Variants in STAT3 observed in about 807,000 individuals in gnomAD.
STAT3 encodes the protein signal transducer and activator of transcription 3.
A neutral mutation model predicts 114.3 loss-of-function variants in STAT3; 7 were observed. The ratio of observed to expected loss-of-function variants is 0.06; its 90% CI spans 0.03 to 0.11. The LOEUF is 0.11. Ranked by LOEUF, STAT3 falls within the 10% of genes least tolerant of loss-of-function variation. STAT3 has a pLI of 1.00. For missense variants in STAT3, 364 were observed against 960.9 expected, an observed-to-expected ratio of 0.38 and a Z score of 8.21; for synonymous variants, 331 against 354.5, an observed-to-expected ratio of 0.93 and a Z score of 0.74.
rs1272614508 is a variant in STAT3, at chr17:42,323,633, A to G, written c.1601-8T>C. 6.5e-7 allele frequency: 1 copy of G among 1,535,442 alleles called. No individual in the cohort carries two copies. Among genetic ancestry groups the G allele is most frequent in the South Asian group, 1.1e-5 (1 of 88,360 alleles). ...AATAATTCACACCAGGTCCTGAAGG[A>G]AAGAAAAAGAGTCAAGTAGTACATT... On this transcript the variant is annotated splice_polypyrimidine_tract_variant and splice_region_variant and intron_variant, in intron 17 of 23. Coordinates refer to ENST00000264657, the MANE Select transcript of STAT3 (RefSeq NM_139276.3).
At chr17:42,361,440 G>A (rs562462837) in intron 1 of STAT3, among the ~76,000 whole-genome samples, 6 of 150,826 alleles carry the variant, frequency 4.0e-5, no homozygotes, top group East Asian at 1.9e-4. Flanking sequence ...CTGAGATCAC[G>A]CCATTGCACT....
chr17:42,346,357 C>T (rs900086721), intron 3 of STAT3, among the ~76,000 whole-genome samples: 1 of 152,190 alleles, frequency 6.6e-6, no homozygotes, highest in African/African-American at 2.4e-5. Context: ...TTTATTACTT[C>T]AACTGTGACA....
At chr17:42,330,150 CTT>C (rs1598407514) in intron 11 of STAT3, among the ~76,000 whole-genome samples, 1 of 147,542 alleles carries the variant, frequency 6.8e-6, no homozygotes, top group East Asian at 2.0e-4. Context: ...TAGTTTCGCT[CTT>C]GTTGCCCAGG....
intron 2 of STAT3, among the ~76,000 whole-genome samples, chr17:42,347,055 G>A (rs1164049293): frequency 6.6e-6 from 1 of 151,842 alleles, no homozygotes; most frequent in Non-Finnish European, 1.5e-5. Context: ...AGGTGTGGTG[G>A]TGGGCACCTG....
intron 1 of STAT3, chr17:42,387,272 G>A (rs1318116255): frequency 2.0e-5 from 3 of 152,206 alleles, no homozygotes; most frequent in African/African-American, 4.8e-5. Flanking sequence ...CAACTTGGGC[G>A]ACGGTTTGAA....
At chr17:42,369,935 A>G (rs1368971967) in intron 1 of STAT3, among the ~76,000 whole-genome samples, 1 of 151,950 alleles carries the variant, frequency 6.6e-6, no homozygotes, top group Non-Finnish European at 1.5e-5. Flanking sequence ...TTGGGATTAT[A>G]CAGATGTAAG....
intron 1 of STAT3, among the ~76,000 whole-genome samples, chr17:42,384,851 T>C (rs1474972644): frequency 2.0e-5 from 3 of 152,088 alleles, no homozygotes; most frequent in African/African-American, 7.2e-5. Flanking sequence ...CCACCGCAAA[T>C]TCTTTACACC....
At chr17:42,335,309 A>G (rs758357358) in intron 8 of STAT3, among the ~76,000 whole-genome samples, 2 of 151,936 alleles carry the variant, frequency 1.3e-5, no homozygotes, top group Non-Finnish European at 2.9e-5. Flanking sequence ...GTTTTTTGAG[A>G]TGGAGTCTCA....
intron 1 of STAT3, among the ~76,000 whole-genome samples, chr17:42,384,428 C>A (rs987425056): frequency 6.6e-6 from 1 of 151,310 alleles, no homozygotes; most frequent in South Asian, 2.1e-4. Flanking sequence ...CCGCGCCCGG[C>A]GCCCCGAAAG....
intron 1 of STAT3, among the ~76,000 whole-genome samples, chr17:42,352,987 A>G (rs751321771): frequency 2.0e-5 from 3 of 152,220 alleles, no homozygotes; most frequent in Non-Finnish European, 4.4e-5. Flanking sequence ...ATATTGGGTT[A>G]AATAAAATAT....
intron 11 of STAT3, among the ~76,000 whole-genome samples, chr17:42,331,085 G>A (rs1290233744): frequency 6.6e-6 from 1 of 152,126 alleles, no homozygotes; most frequent in Non-Finnish European, 1.5e-5. Context: ...CTGCCACCCA[G>A]GTTTGTGTAA....
chr17:42,358,834 G>T lies in STAT3; in HGVS notation c.-23-10295C>A, dbSNP rs1463037109. On this transcript the variant is annotated intron_variant, in intron 1 of 23. Coordinates refer to ENST00000264657, the MANE Select transcript of STAT3 (RefSeq NM_139276.3). ...TGTAAAGTTAAAATCAATAATGGTT[G>T]TACAGCATCCCTCTGTGCTGGTGCT... Among the ~76,000 whole-genome samples the T allele has an allele frequency of 2.6e-5, 4 of 151,814 alleles. No homozygotes were observed. In the South Asian group the frequency reaches 6.2e-4, roughly 24 times the overall value.
rs17885431 is a variant in STAT3, at chr17:42,324,928, T to A, written c.1464+35A>T. The A allele has an allele frequency of 3.4e-3, 5,557 of 1,614,058 alleles. 170 individuals carry two copies. In the African/African-American group the frequency reaches 0.064, roughly 19 times the overall value. On this transcript the variant is annotated intron_variant, in intron 16 of 23. Coordinates refer to ENST00000264657, the MANE Select transcript of STAT3 (RefSeq NM_139276.3). The surrounding 1 kb of genome is among the most constrained non-coding windows in gnomAD (Gnocchi z 4.5). ...CTAGGTACCCCTAAGTCGCAAGAGA[T>A]CCCGGGGCACCAACTAAAAGGAGGG...
intron 1 of STAT3, among the ~76,000 whole-genome samples, chr17:42,363,528 C>G (rs555105902): frequency 6.6e-6 from 1 of 152,230 alleles, no homozygotes; most frequent in Admixed American, 6.5e-5. Flanking sequence ...ACTGCAGCCT[C>G]AACCTCCTGG....
chr17:42,387,720 A>C (rs977293756), intron 1 of STAT3: 1 of 152,280 alleles, frequency 6.6e-6, no homozygotes, highest in African/African-American at 2.4e-5. Context: ...CTTGATTCTT[A>C]TGCAATAAAG....
intron 1 of STAT3, among the ~76,000 whole-genome samples, chr17:42,361,336 T>C (rs2083496140): frequency 6.6e-6 from 1 of 151,718 alleles, no homozygotes; most frequent in African/African-American, 2.4e-5. Context: ...ACAAAAACAT[T>C]AGCAGGCATG....
intron 4 of STAT3, among the ~76,000 whole-genome samples, chr17:42,343,169 CA>C (rs200877459): frequency 0.11 from 7,183 of 62,762 alleles, 112 homozygotes; most frequent in Non-Finnish European, 0.14. Flanking sequence ...GAGACTGTCT[CA>C]AAAAAAAAAA....
At chr17:42,351,129 C>CAAAAAAA (rs139529559) in intron 1 of STAT3, among the ~76,000 whole-genome samples, 2 of 77,240 alleles carry the variant, frequency 2.6e-5, no homozygotes, top group Non-Finnish European at 5.8e-5. Context: ...GACTCCATCT[C>CAAAAAAA]AAAAAAAAAA....
At chr17:42,386,364 G>T (rs1257965631) in intron 1 of STAT3, among the ~76,000 whole-genome samples, 1 of 151,662 alleles carries the variant, frequency 6.6e-6, no homozygotes, top group African/African-American at 2.4e-5. Context: ...ATGGCACTCT[G>T]CTGCGTTGGC....
Sources: gnomAD v4.1 joint callset for allele counts (sites outside exome capture counted in the v4.1 genomes callset) on GRCh38, gnomAD v4.1.1 for gene constraint, Gnocchi (gnomAD v3.1) non-coding constraint, MANE v1.5 for transcripts, NCBI Gene and HGNC (gene_info 2026-07-23, HGNC 2026-07-21) for gene names.